The following TNXB variants were observed in gnomAD, a reference collection of about 807,000 sequenced individuals.
The protein encoded by TNXB is tenascin XB.
Under a neutral mutation model 340.5 loss-of-function variants are expected in TNXB, and 183 were observed. The ratio of observed to expected loss-of-function variants is 0.54; its 90% CI spans 0.48 to 0.61. TNXB has a LOEUF of 0.61. Among genes scored for constraint, TNXB ranks in the 20% least tolerant of loss-of-function variants. The pLI is 0.00. For synonymous variants in TNXB, 2,121 were observed against 2,314.5 expected, an observed-to-expected ratio of 0.92 and a Z score of 2.40; for missense variants, 4,613 against 5,446.4, an observed-to-expected ratio of 0.85 and a Z score of 4.82.
Position 32,079,123 on chromosome 6 carries a change from C to A in TNXB, c.4285G>T (p.Gly1429Cys). ...TTGTACTTGTGCCCGGGCTCTAGGC[C>A]TCCCACGGTGACCTCACTCTCCTTG... is the stretch of plus-strand genomic sequence containing the variant. ...GGKESEVTVG[G>C]LEPGHKYKMH... Residue 1429 changes from glycine (G) to cysteine (C), a missense_variant, in exon 11 of 44, where the codon GGC becomes TGC. Gly to Cys is a radical substitution (Grantham distance 159). Coordinates refer to ENST00000644971, the MANE Select transcript of TNXB (RefSeq NM_001365276.2). This position sits in a 1 kb window ranked among gnomAD's most constrained non-coding sequence, Gnocchi z 7.1. 1 of 1,613,858 alleles carries A rather than the reference C, an allele frequency of 6.2e-7. No individual in the cohort carries two copies. The highest frequency in any genetic ancestry group is 8.5e-7 in the Non-Finnish European group (1 of 1,179,900).
In TNXB at chr6:32,058,906, G is replaced by T. The variant is rs1254583462; in HGVS notation, c.7493-516C>A. On this transcript the variant is annotated intron_variant, in intron 21 of 43. Coordinates refer to ENST00000644971, the MANE Select transcript of TNXB (RefSeq NM_001365276.2). The surrounding 1 kb of genome is among the most constrained non-coding windows in gnomAD (Gnocchi z 5.1). ...TGAGGTGAATGATTACAATGTACTT[G>T]TGTACAAAAAAGGAAGTGCCAAGAA... Among the ~76,000 whole-genome samples the T allele has an allele frequency of 6.6e-6, 1 of 151,848 alleles. No individual in the cohort carries two copies. The highest frequency in any genetic ancestry group is 1.5e-5 in the Non-Finnish European group (1 of 68,030).
Position 32,050,182 on chromosome 6 carries a change from G to C in TNXB, c.9255C>G (p.Gly3085=), listed in dbSNP as rs368339464. ...ACTGGACCAGGAAGTGGTCAAACTG[G>C]CCCTCGGGAACCATCCAGGACAGGC... ...SLSLSWMVPE[G]QFDHFLVQYR... The change falls in exon 27 of 44, where the codon GGC becomes GGG. Residue 3085 remains glycine, a synonymous_variant. Transcript: ENST00000644971. The C allele has an allele frequency of 3.8e-4, 616 of 1,613,826 alleles. 1 individual carries two copies. Among genetic ancestry groups the C allele is most frequent in the Middle Eastern group, 2.0e-3 (12 of 6,060 alleles).
In TNXB at chr6:32,069,975, G is replaced by T. The variant is rs1276359653; in HGVS notation, c.5279-114C>A. 17 of 1,376,186 alleles carry T rather than the reference G, an allele frequency of 1.2e-5. No individual in the cohort carries two copies. Among genetic ancestry groups the T allele is most frequent in the Non-Finnish European group, 1.6e-5 (17 of 1,035,240 alleles). 85.2% of individuals were successfully genotyped at this position (1,376,186 alleles called of 1,614,324 possible). On this transcript the variant is annotated intron_variant, in intron 14 of 43. Transcript: ENST00000644971. This position sits in a 1 kb window ranked among gnomAD's most constrained non-coding sequence, Gnocchi z 6.2. The stretch of plus-strand genomic sequence containing the variant: ...GGGCTTTGCGTGGCTGAGTCCTGCC[G>T]GGCTGTGCTAGGGGCTTGTGCAGGG...
chr6:32,088,113 C>A (rs954558786), intron 6 of TNXB, among the ~76,000 whole-genome samples: 1 of 152,168 alleles, frequency 6.6e-6, no homozygotes, highest in Non-Finnish European at 1.5e-5. Flanking sequence ...TGTGCCCCAG[C>A]CCCACCTGGA....
At position 32,067,684 on chromosome 6, in the gene TNXB, G is replaced by A; in HGVS notation, c.6521C>T (p.Pro2174Leu). The A allele has an allele frequency of 6.2e-7, 1 of 1,613,650 alleles. No homozygotes were observed. Among genetic ancestry groups the A allele is most frequent in the African/African-American group, 1.3e-5 (1 of 75,022 alleles). The change falls in exon 18 of 44, where the codon CCA becomes CTA. Residue 2174 changes from proline (P) to leucine (L), a missense_variant. Physicochemically the swap from Pro to Leu is moderately conservative, Grantham distance 98. Transcript: ENST00000644971. This position sits in a 1 kb window ranked among gnomAD's most constrained non-coding sequence, Gnocchi z 4.2. ...ACCCGTGACGCCCACAGCAGACACT[G>A]GGCCCACGCGCCGCCCCTCGTGGAG... ...YGLHEGRRVGPVSAVGVTAPE... is the reference protein window; with the variant it reads ...YGLHEGRRVGLVSAVGVTAPE...
chr6:32,060,246 C>T (rs1326206527), intron 21 of TNXB, among the ~76,000 whole-genome samples: 3 of 148,350 alleles, frequency 2.0e-5, no homozygotes, highest in Admixed American at 1.3e-4. Context: ...GCAGGAGAAT[C>T]GCTTGAATCC....
chr6:32,097,617 G>T lies in TNXB; in HGVS notation c.404-168C>A. 1 of 1,091,632 alleles carries T rather than the reference G, an allele frequency of 9.2e-7. No homozygotes were observed. Among genetic ancestry groups the T allele is most frequent in the Non-Finnish European group, 1.3e-6 (1 of 785,864 alleles). 67.6% of individuals were successfully genotyped at this position (1,091,632 alleles called of 1,614,324 possible). A position where few individuals can be genotyped will look rare whatever the true frequency, so the allele number is the denominator to read the frequency against. On this transcript the variant is annotated intron_variant, in intron 2 of 43. Transcript: ENST00000644971. The surrounding 1 kb of genome is among the most constrained non-coding windows in gnomAD (Gnocchi z 5.9). ...ATGTATGCAGCCTCTCAGGGCCCTC[G>T]CATATGCTTTGGTTGACATGTAGCC...
rs1204016022 is a variant in TNXB at position 32,056,858 on chromosome 6, T to C, written c.7871A>G (p.Glu2624Gly). 1.2e-6 allele frequency: 2 copies of C among 1,612,684 alleles called. No individual in the cohort carries two copies. Among genetic ancestry groups the C allele is most frequent in the African/African-American group, 2.7e-5 (2 of 74,876 alleles). Residue 2624 changes from glutamate to glycine, a missense_variant, in exon 23 of 44, where the codon GAG becomes GGG. Transcript: ENST00000644971. The stretch of plus-strand genomic sequence containing the variant: ...CCCCAGGCGAGGCTTGATGGGGGGC[T>C]CAGGGGTCATGGTAGGCACTGCTTG... Reference protein sequence around the residue: ...TTQAVPTMTPEPPIKPRLGEL... With the variant: ...TTQAVPTMTPGPPIKPRLGEL...
chr6:32,093,897 C>G (rs1376146525), intron 4 of TNXB, among the ~76,000 whole-genome samples: 1 of 151,850 alleles, frequency 6.6e-6, no homozygotes, highest in East Asian at 1.9e-4. Context: ...CAGGACCAGC[C>G]TGGGCATGCA....
rs1776675073 is a variant in TNXB, at chr6:32,044,199, G to A, written c.11264-70C>T. 6 of 1,325,394 alleles carry A rather than the reference G, an allele frequency of 4.5e-6. 1 individual carries two copies. The highest frequency in any genetic ancestry group is 5.0e-5 in the East Asian group (2 of 39,864). 82.1% of individuals were successfully genotyped at this position (1,325,394 alleles called of 1,614,324 possible). A position where few individuals can be genotyped will look rare whatever the true frequency, so the allele number is the denominator to read the frequency against. Reference sequence around the variant, plus strand: ...GCTTCTCCCTACGAGTCCCCCCCTCGCCTCTGCTCCAGCACAGGCTCACCA... The same window carrying A: ...GCTTCTCCCTACGAGTCCCCCCCTCACCTCTGCTCCAGCACAGGCTCACCA... On this transcript the variant is annotated intron_variant, in intron 33 of 43. Coordinates refer to ENST00000644971, the MANE Select transcript of TNXB (RefSeq NM_001365276.2).
In TNXB at chr6:32,048,891, G is replaced by C. The variant is rs59557474; in HGVS notation, c.9758-241C>G. 0.02 allele frequency among the ~76,000 whole-genome samples: 3,059 copies of C among 152,340 alleles called. 84 individuals carry two copies. The highest frequency in any genetic ancestry group is 0.069 in the African/African-American group (2,864 of 41,574). ...AACTTTGCAGGAATCTGAAGCACAA[G>C]GTTAGGAAACGCCTGCAAAGTCGCA... is the stretch of plus-strand genomic sequence containing the variant. On this transcript the variant is annotated intron_variant, in intron 28 of 43. Transcript: ENST00000644971.
At chr6:32,048,129 G>A in intron 29 of TNXB, 117 bp from the exon 30 acceptor site, 7 of 1,319,352 alleles carry the variant, frequency 5.3e-6, no homozygotes, top group African/African-American at 1.5e-5. Flanking sequence ...ACTGGGCCAG[G>A]AGTAGGAATA....
At position 32,080,492 on chromosome 6, in the gene TNXB, G is replaced by A. The variant is rs1405816959; in HGVS notation, c.4042+876C>T. ...CCCAAAATGCTGGGATTACAGGCATGAGCCACTGTGCCTGGCCTTTCTAAG... is the reference window on the plus strand; with the variant it reads ...CCCAAAATGCTGGGATTACAGGCATAAGCCACTGTGCCTGGCCTTTCTAAG... On this transcript the variant is annotated intron_variant, in intron 10 of 43. Coordinates refer to ENST00000644971, the MANE Select transcript of TNXB (RefSeq NM_001365276.2). This position sits in a 1 kb window ranked among gnomAD's most constrained non-coding sequence, Gnocchi z 4.3. Among the ~76,000 whole-genome samples, 3 of 152,256 alleles carry A rather than the reference G, an allele frequency of 2.0e-5. No individual in the cohort carries two copies. The highest frequency in any genetic ancestry group is 2.9e-5 in the Non-Finnish European group (2 of 68,054).
At chr6:32,041,486 G>C in intron 43 of TNXB, 36 bp from the exon 44 acceptor site, 2 of 1,164,746 alleles carry the variant, frequency 1.7e-6, no homozygotes, top group Non-Finnish European at 2.5e-6. Context: ...GTCAAAGCCG[G>C]ATGTCCCATC....
At position 32,068,835 on chromosome 6, in the gene TNXB, G is replaced by A. The variant is rs774343311; in HGVS notation, c.5889C>T (p.Val1963=). 18 of 1,606,546 alleles carry A rather than the reference G, an allele frequency of 1.1e-5. No individual in the cohort carries two copies. In the South Asian group the frequency reaches 1.2e-4, roughly 11 times the overall value. Residue 1963 remains valine, a synonymous_variant, in exon 16 of 44, where the codon GTC becomes GTT. Coordinates refer to ENST00000644971, the MANE Select transcript of TNXB (RefSeq NM_001365276.2). This position sits in a 1 kb window ranked among gnomAD's most constrained non-coding sequence, Gnocchi z 5.3. ...CAGAGTTCTCACCTGTCAGGGCCTC[G>A]ACATGGACAGGACCTACATGCTTCC... ...SDGKHVGPVH[V]EALTVPEEEK...
In TNXB at chr6:32,096,880, G is replaced by A. The variant is rs753047299; in HGVS notation, c.973C>T (p.Arg325Cys). The change falls in exon 3 of 44, where the codon CGC becomes TGC. Residue 325 changes from arginine to cysteine, a missense_variant. Arg to Cys is a radical substitution (Grantham distance 180). This residue lies in a region of TNXB where 4,327 missense variants were observed against 4,859.4 expected (regional missense o/e 0.89). Transcript: ENST00000644971. ...CSQRGRCKDG[R>C]CVCDPGYTGE... ...GTGTAGCCGGGGTCACACACGCAGC[G>A]CCCGTCCTTGCAGCGTCCCCGCTGG... is the stretch of plus-strand genomic sequence containing the variant. The A allele has an allele frequency of 3.1e-6, 5 of 1,608,514 alleles. No individual in the cohort carries two copies. In the Admixed American group the frequency reaches 6.8e-5, roughly 22 times the overall value.
chr6:32,065,696 T>G (rs975165128), intron 18 of TNXB, among the ~76,000 whole-genome samples: 2 of 152,190 alleles, frequency 1.3e-5, no homozygotes, highest in African/African-American at 4.8e-5. Context: ...CTTGGCTCAC[T>G]GCAACCTCCA....
In TNXB at chr6:32,069,784, T is replaced by A. The variant is rs1201290359; in HGVS notation, c.5356A>T (p.Thr1786Ser). 1 of 1,610,094 alleles carries A rather than the reference T, an allele frequency of 6.2e-7. No individual in the cohort carries two copies. The highest frequency in any genetic ancestry group is 8.5e-7 in the Non-Finnish European group (1 of 1,178,308). ...PRLGEELQVT[T>S]VTQNSVGLSW... ...AGGCCCACGGAGTTCTGGGTCACGG[T>A]GGTCACCTGCAGCTCCTCCCCCAGA... Residue 1786 changes from threonine to serine, a missense_variant, in exon 15 of 44, where the codon ACC becomes TCC. Thr to Ser is a moderately conservative substitution (Grantham distance 58, BLOSUM62 1). This residue lies in a region of TNXB where 4,327 missense variants were observed against 4,859.4 expected (regional missense o/e 0.89). Coordinates refer to ENST00000644971, the MANE Select transcript of TNXB (RefSeq NM_001365276.2). This position sits in a 1 kb window ranked among gnomAD's most constrained non-coding sequence, Gnocchi z 6.2.
rs1779374097 is a variant in TNXB at position 32,080,528 on chromosome 6, A to G, written c.4042+840T>C. Among the ~76,000 whole-genome samples the G allele has an allele frequency of 2.0e-5, 3 of 152,206 alleles. No homozygotes were observed. The highest frequency in any genetic ancestry group is 7.2e-5 in the African/African-American group (3 of 41,452). ...CCTGGCCTTTCTAAGTGTTATACAT[A>G]TATTAACTCATGTAATTCCAACAGC... On this transcript the variant is annotated intron_variant, in intron 10 of 43. Transcript: ENST00000644971. The surrounding 1 kb of genome is among the most constrained non-coding windows in gnomAD (Gnocchi z 4.3).
Sources: allele counts gnomAD v4.1 joint callset (sites outside exome capture counted in the v4.1 genomes callset), GRCh38; gene constraint gnomAD v4.1.1; regional missense constraint gnomAD v4.1.1; non-coding constraint Gnocchi (gnomAD v3.1); transcripts MANE v1.5; gene names NCBI Gene and HGNC (gene_info 2026-07-23, HGNC 2026-07-21).